The following SARM1 variants were observed in gnomAD, a reference collection of about 807,000 sequenced individuals.
SARM1 encodes NAD(+) hydrolase SARM1.
Under a neutral mutation model 65.1 loss-of-function variants are expected in SARM1, and 60 were observed. The ratio of observed to expected loss-of-function variants is 0.92; its 90% CI spans 0.75 to 1.14. The LOEUF is 1.14. SARM1 is among the 50% of genes most tolerant of loss of function. The pLI is 0.00. For missense variants in SARM1, 913 were observed against 1,015.7 expected, an observed-to-expected ratio of 0.90 and a Z score of 1.37; for synonymous variants, 417 against 465.4, an observed-to-expected ratio of 0.90 and a Z score of 1.34.
At chr17:28,394,203 A>C (rs368543265) in intron 7 of SARM1, among the ~76,000 whole-genome samples, 10 of 152,246 alleles carry the variant, frequency 6.6e-5, no homozygotes, top group African/African-American at 2.4e-4. Flanking sequence ...GCATTTTGCA[A>C]ATATTAGCTA....
intron 5 of SARM1, among the ~76,000 whole-genome samples, chr17:28,387,670 C>A (rs1340234300): frequency 6.6e-6 from 1 of 152,228 alleles, no homozygotes; most frequent in Non-Finnish European, 1.5e-5. Flanking sequence ...TAGTACTGAG[C>A]GTGGCTCCAG....
In SARM1 at chr17:28,401,468, A is replaced by G. The variant is rs999294943; in HGVS notation, c.*5182A>G. The G allele has an allele frequency of 1.3e-5, 2 of 153,188 alleles. No homozygotes were observed. Among genetic ancestry groups the G allele is most frequent in the African/African-American group, 2.4e-5 (1 of 41,454 alleles). The allele number at this position is 153,188 out of a possible 1,614,324, so 9.5% of individuals were successfully genotyped here. On this transcript the variant is annotated 3_prime_UTR_variant, in exon 9 of 9. Coordinates refer to ENST00000585482, the MANE Select transcript of SARM1 (RefSeq NM_015077.4). ...TCTGTATGGCACCAGAGTCTCTGTC[A>G]TCATCAGATCCTCATTCCAGGACAG...
At chr17:28,376,114 G>A (rs1372891779) in intron 1 of SARM1, among the ~76,000 whole-genome samples, 1 of 152,156 alleles carries the variant, frequency 6.6e-6, no homozygotes, top group Non-Finnish European at 1.5e-5. Flanking sequence ...CAAGAGTGCA[G>A]CACAGTTCCA....
chr17:28,388,627 TC>T, intron 7 of SARM1, 88 bp downstream of exon 7: 2 of 1,370,006 alleles, frequency 1.5e-6, no homozygotes, highest in Non-Finnish European at 2.0e-6. Flanking sequence ...TGTCTGCACA[TC>T]CCGGCACACT....
intron 7 of SARM1, among the ~76,000 whole-genome samples, chr17:28,389,726 A>G (rs782576664): frequency 6.6e-6 from 1 of 152,170 alleles, no homozygotes; most frequent in Non-Finnish European, 1.5e-5. Context: ...TCTCTACTAA[A>G]AAAATACAAA....
rs1165629805 is a variant in SARM1 at position 28,384,767 on chromosome 17, C to A, written c.1303-72C>A. On this transcript the variant is annotated intron_variant, in intron 3 of 8. Transcript: ENST00000585482. The surrounding 1 kb of genome is among the most constrained non-coding windows in gnomAD (Gnocchi z 4.4). ...TCCTCCACGCCATCTCCAGTTCCTT[C>A]CCTTGCATCTTGTGCTCGAGGTCCA... 2 of 1,407,074 alleles carry A rather than the reference C, an allele frequency of 1.4e-6. No homozygotes were observed. The highest frequency in any genetic ancestry group is 2.0e-6 in the Non-Finnish European group (2 of 1,015,790). The allele number at this position is 1,407,074 out of a possible 1,614,324, so 87.2% of individuals were successfully genotyped here. A position where few individuals can be genotyped will look rare whatever the true frequency, so the allele number is the denominator to read the frequency against.
In SARM1 at chr17:28,400,558, C is replaced by T. The variant is rs1328204056; in HGVS notation, c.*4272C>T. 6.2e-7 allele frequency: 1 copy of T among 1,603,378 alleles called. No homozygotes were observed. Among genetic ancestry groups the T allele is most frequent in the African/African-American group, 1.3e-5 (1 of 74,690 alleles). On this transcript the variant is annotated 3_prime_UTR_variant, in exon 9 of 9. Transcript: ENST00000585482. ...TTCTGGTTGGGAGGAGAAGAGGAAA[C>T]TTTTAAGAGAAAGGGCTCCATTATG...
At chr17:28,379,388 G>A (rs2068009249) in intron 1 of SARM1, among the ~76,000 whole-genome samples, 2 of 130,104 alleles carry the variant, frequency 1.5e-5, no homozygotes, top group African/African-American at 6.0e-5. Context: ...TTGGCTCACT[G>A]CAAGCTCCGC....
chr17:28,396,386 G>C lies in SARM1; in HGVS notation c.*100G>C, dbSNP rs1286775740. On this transcript the variant is annotated 3_prime_UTR_variant, in exon 9 of 9. Transcript: ENST00000585482. ...AGTCTCCCTGGGCTGAGACAACCTG[G>C]GCTCTTCTTAGGAAATGGCTCTCCC... 6.1e-6 allele frequency: 9 copies of C among 1,464,290 alleles called. No homozygotes were observed. Among genetic ancestry groups the C allele is most frequent in the Non-Finnish European group, 8.4e-6 (9 of 1,066,722 alleles). 90.7% of individuals were successfully genotyped at this position (1,464,290 alleles called of 1,614,324 possible).
Position 28,387,372 on chromosome 17 carries a change from CAGACATG to C in SARM1, c.1631-801_1631-795del, listed in dbSNP as rs2068056867. Among the ~76,000 whole-genome samples, 5 of 152,048 alleles carry C rather than the reference CAGACATG, an allele frequency of 3.3e-5. No homozygotes were observed. In the South Asian group the frequency reaches 1.0e-3, roughly 32 times the overall value. On this transcript the variant is annotated intron_variant, in intron 5 of 8. Transcript: ENST00000585482. ...CTCAGCCTCCCAAGTAGCTAGATTA[CAGACATG>C]TGCCACCATGCCTGGATAATTTTTT... is the stretch of plus-strand genomic sequence containing the variant.
At position 28,395,871 on chromosome 17, in the gene SARM1, A is replaced by G. The variant is rs117451747; in HGVS notation, c.1924-34A>G. 41,623 of 1,611,482 alleles carry G rather than the reference A, an allele frequency of 0.026. 654 individuals carry two copies. The highest frequency in any genetic ancestry group is 0.031 in the Non-Finnish European group (36,961 of 1,179,688). Reference sequence around the variant, plus strand: ...GCTACAAGGGTCCCTAGATGGGTACAGGGGTATCTTCCTCCTTTCCTTTCT... The same window carrying G: ...GCTACAAGGGTCCCTAGATGGGTACGGGGGTATCTTCCTCCTTTCCTTTCT... On this transcript the variant is annotated intron_variant, in intron 7 of 8. Coordinates refer to ENST00000585482, the MANE Select transcript of SARM1 (RefSeq NM_015077.4).
chr17:28,396,347 C>G lies in SARM1; in HGVS notation c.*61C>G. 1.3e-6 allele frequency: 2 copies of G among 1,598,970 alleles called. No individual in the cohort carries two copies. Among genetic ancestry groups the G allele is most frequent in the Non-Finnish European group, 1.7e-6 (2 of 1,169,410 alleles). On this transcript the variant is annotated 3_prime_UTR_variant, in exon 9 of 9. Coordinates refer to ENST00000585482, the MANE Select transcript of SARM1 (RefSeq NM_015077.4). Reference sequence around the variant, plus strand: ...ATTTCCATCGTCCTTTCTGAAGGAACAGCTCCTGAAACCAGTCTCCCTGGG... The same window carrying G: ...ATTTCCATCGTCCTTTCTGAAGGAAGAGCTCCTGAAACCAGTCTCCCTGGG...
intron 1 of SARM1, among the ~76,000 whole-genome samples, chr17:28,379,873 T>A (rs961631546): frequency 2.0e-5 from 3 of 152,208 alleles, no homozygotes; most frequent in Admixed American, 1.3e-4. Flanking sequence ...TAATTTTCAT[T>A]TCTCTGATTA....
intron 1 of SARM1, among the ~76,000 whole-genome samples, chr17:28,379,396 C>T (rs1337297183): frequency 1.1e-4 from 17 of 148,872 alleles, no homozygotes; most frequent in Admixed American, 8.8e-4. Context: ...CTGCAAGCTC[C>T]GCCTCCTGGG....
chr17:28,381,292 T>A lies in SARM1; in HGVS notation c.560T>A (p.Ile187Asn), dbSNP rs1250029233. Residue 187 changes from isoleucine to asparagine, a missense_variant, in exon 2 of 9, where the codon ATC becomes AAC. By Grantham distance (149) the Ile-to-Asn change is moderately radical. Around this residue, in one of 3 missense-constraint regions of SARM1, gnomAD observed 862 missense variants for 952.1 expected, o/e 0.91. Coordinates refer to ENST00000585482, the MANE Select transcript of SARM1 (RefSeq NM_015077.4). ...GAGCTGGCGCGGAGCGTGGCAGGCATCTTGGAGCACATGTTCAAGCATTCG... is the reference window on the plus strand; with the variant it reads ...GAGCTGGCGCGGAGCGTGGCAGGCAACTTGGAGCACATGTTCAAGCATTCG... Reference protein sequence around the residue: ...PVELARSVAGILEHMFKHSEE... With the variant: ...PVELARSVAGNLEHMFKHSEE... 1 of 1,606,000 alleles carries A rather than the reference T, an allele frequency of 6.2e-7. No homozygotes were observed. Among genetic ancestry groups the A allele is most frequent in the African/African-American group, 1.3e-5 (1 of 74,838 alleles).
At position 28,385,063 on chromosome 17, in the gene SARM1, TCAAGA is replaced by T; in HGVS notation, c.1420_1424del (p.Lys474LeufsTer45). The stretch of plus-strand genomic sequence containing the variant: ...AGGTTCTTTAGGGAGCTCACGGAGC[TCAAGA>T]CCTTCGCCAACTATTCTACGTGCGA... On this transcript the variant is annotated frameshift_variant, in exon 5 of 9. Transcript: ENST00000585482. LOFTEE classifies it high-confidence loss of function. The surrounding 1 kb of genome is among the most constrained non-coding windows in gnomAD (Gnocchi z 4.5). The T allele has an allele frequency of 6.2e-7, 1 of 1,613,814 alleles. No individual in the cohort carries two copies. The highest frequency in any genetic ancestry group is 8.5e-7 in the Non-Finnish European group (1 of 1,179,826).
rs781860012 is a variant in SARM1 at position 28,384,371 on chromosome 17, C to T, written c.1104C>T (p.Ile368=). Residue 368 remains isoleucine, a synonymous_variant, in exon 3 of 9, where the codon ATC becomes ATT. Transcript: ENST00000585482. The surrounding 1 kb of genome is among the most constrained non-coding windows in gnomAD (Gnocchi z 4.4). The part of the protein sequence containing the change: ...LQGKTKVFSD[I]GAIQSLKRLV... ...TCCCTCCCTAGGTGTTCAGCGACAT[C>T]GGCGCCATCCAGAGCCTGAAACGCC... The T allele has an allele frequency of 6.3e-7, 1 of 1,593,538 alleles. No individual in the cohort carries two copies. Among genetic ancestry groups the T allele is most frequent in the Non-Finnish European group, 8.6e-7 (1 of 1,168,760 alleles).
At position 28,393,631 on chromosome 17, in the gene SARM1, C is replaced by T. The variant is rs557792331; in HGVS notation, c.1924-2274C>T. 3.3e-5 allele frequency among the ~76,000 whole-genome samples: 5 copies of T among 152,096 alleles called. No homozygotes were observed. The South Asian group carries it at 6.2e-4, about 19-fold the overall frequency. The stretch of plus-strand genomic sequence containing the variant: ...AGAACCTATTATTTTTGCCTCAGGT[C>T]GTAGAGCCTGTGTCAGAGACTCAGT... On this transcript the variant is annotated intron_variant, in intron 7 of 8. Coordinates refer to ENST00000585482, the MANE Select transcript of SARM1 (RefSeq NM_015077.4).
In SARM1 at chr17:28,401,314, T is replaced by G. The variant is rs1392943764; in HGVS notation, c.*5028T>G. Reference sequence around the variant, plus strand: ...GGCCTGGTCCCCTGGAAGTAGCTAGTTAGTAAGGGCTGTTCTTTTCTCCTG... The same window carrying G: ...GGCCTGGTCCCCTGGAAGTAGCTAGGTAGTAAGGGCTGTTCTTTTCTCCTG... On this transcript the variant is annotated 3_prime_UTR_variant, in exon 9 of 9. Transcript: ENST00000585482. The G allele has an allele frequency of 2.4e-5, 4 of 163,340 alleles. No homozygotes were observed. Among genetic ancestry groups the G allele is most frequent in the Non-Finnish European group, 5.4e-5 (4 of 74,098 alleles). 10.1% of individuals were successfully genotyped at this position (163,340 alleles called of 1,614,324 possible). A position where few individuals can be genotyped will look rare whatever the true frequency, so the allele number is the denominator to read the frequency against.
Sources: allele counts gnomAD v4.1 joint callset (sites outside exome capture counted in the v4.1 genomes callset), GRCh38; gene constraint gnomAD v4.1.1; regional missense constraint gnomAD v4.1.1; non-coding constraint Gnocchi (gnomAD v3.1); transcripts MANE v1.5; gene names NCBI Gene and HGNC (gene_info 2026-07-23, HGNC 2026-07-21).